The following CHRNA2 variants were observed in gnomAD, a reference collection of about 807,000 sequenced individuals.
CHRNA2 encodes neuronal acetylcholine receptor subunit alpha-2.
A neutral mutation model predicts 45.5 loss-of-function variants in CHRNA2; 40 were observed. The observed-to-expected ratio is 0.88, with a 90% CI of 0.68 to 1.15. CHRNA2 has a LOEUF of 1.15. CHRNA2 is among the 50% of genes most tolerant of loss of function. The pLI, the probability that CHRNA2 is intolerant of heterozygous loss-of-function variation, is 0.00. For synonymous variants in CHRNA2, 301 were observed against 296.7 expected, an observed-to-expected ratio of 1.01 and a Z score of -0.15; for missense variants, 655 against 701.7, an observed-to-expected ratio of 0.93 and a Z score of 0.75.
At chr8:27,471,426 G>C (rs957420962) in intron 1 of CHRNA2, among the ~76,000 whole-genome samples, 1 of 152,206 alleles carries the variant, frequency 6.6e-6, no homozygotes, top group African/African-American at 2.4e-5. Flanking sequence ...ACTGGGCAAA[G>C]GAGGGCACAG....
chr8:27,465,067 G>A (rs917765030), intron 5 of CHRNA2, among the ~76,000 whole-genome samples: 3 of 152,210 alleles, frequency 2.0e-5, no homozygotes, highest in African/African-American at 7.2e-5. Flanking sequence ...GAAATGGGCA[G>A]AGAGCCTTCC....
intron 4 of CHRNA2, among the ~76,000 whole-genome samples, chr8:27,468,334 T>C (rs1305737654): frequency 6.6e-6 from 1 of 152,176 alleles, no homozygotes; most frequent in African/African-American, 2.4e-5. Flanking sequence ...CCTGCTTCCC[T>C]CTGGCCCTCA....
In CHRNA2 at chr8:27,463,169, C is replaced by T. The variant is rs1021964888; in HGVS notation, c.1274G>A (p.Cys425Tyr). Residue 425 changes from cysteine (C) to tyrosine (Y), a missense_variant, in exon 6 of 7, where the codon TGT becomes TAT. Around this residue, in one of 3 missense-constraint regions of CHRNA2, gnomAD observed 295 missense variants for 280.4 expected, o/e 1.05. Coordinates refer to ENST00000407991, the MANE Select transcript of CHRNA2 (RefSeq NM_000742.4). This position sits in a 1 kb window ranked among gnomAD's most constrained non-coding sequence, Gnocchi z 6.1. ...VVVEEEDRWA[C>Y]AGHVAPSVGT... ...CACAGAGGGGGCCACATGACCTGCACATGCCCATCTGTCCTCCTCCTCCAC... is the reference window on the plus strand; with the variant it reads ...CACAGAGGGGGCCACATGACCTGCATATGCCCATCTGTCCTCCTCCTCCAC... 6 of 1,598,180 alleles carry T rather than the reference C, an allele frequency of 3.8e-6. No homozygotes were observed. In the African/African-American group the frequency reaches 4.0e-5, roughly 11 times the overall value.
intron 1 of CHRNA2, among the ~76,000 whole-genome samples, chr8:27,476,163 T>C (rs531739493): frequency 6.6e-6 from 1 of 152,332 alleles, no homozygotes; most frequent in South Asian, 2.1e-4. Flanking sequence ...TAAGAGAATG[T>C]ACTACCTCAT....
intron 5 of CHRNA2, among the ~76,000 whole-genome samples, chr8:27,465,228 G>A (rs758126653): frequency 2.0e-5 from 3 of 152,142 alleles, no homozygotes; most frequent in Admixed American, 6.5e-5. Context: ...TCCACCAGGA[G>A]GTGGCTCGGT....
rs1320953451 is a variant in CHRNA2, at chr8:27,461,320, T to C, written c.*309A>G. The stretch of plus-strand genomic sequence containing the variant: ...ACTGTCCCCCTGGTTGACCCTTCTG[T>C]CACTTAGGGTCTGCACTGCTCCTCC... On this transcript the variant is annotated 3_prime_UTR_variant, in exon 7 of 7. Transcript: ENST00000407991. The C allele has an allele frequency of 2.6e-6, 1 of 382,810 alleles. No homozygotes were observed. Among genetic ancestry groups the C allele is most frequent in the Non-Finnish European group, 4.9e-6 (1 of 204,248 alleles). 23.7% of individuals were successfully genotyped at this position (382,810 alleles called of 1,614,324 possible).
At chr8:27,477,255 A>C (rs1383088648) in intron 1 of CHRNA2, 1 of 152,194 alleles carries the variant, frequency 6.6e-6, no homozygotes, top group Non-Finnish European at 1.5e-5. Context: ...AGGAGAGGGG[A>C]CAGGCACCTC....
In CHRNA2 at chr8:27,479,104, C is replaced by G. The variant is rs79238003; in HGVS notation, c.-417G>C. On this transcript the variant is annotated 5_prime_UTR_variant, in exon 1 of 7. Coordinates refer to ENST00000407991, the MANE Select transcript of CHRNA2 (RefSeq NM_000742.4). The stretch of plus-strand genomic sequence containing the variant: ...CCTGGGGCTGTCCAGCTCTGGCAGC[C>G]AGAACGGCTTCATGCAGGTGCCACT... 1.9e-4 allele frequency: 29 copies of G among 152,312 alleles called. No individual in the cohort carries two copies. Among genetic ancestry groups the G allele is most frequent in the Admixed American group, 1.6e-3 (24 of 15,300 alleles). The allele number at this position is 152,312 out of a possible 1,614,324, so 9.4% of individuals were successfully genotyped here.
intron 3 of CHRNA2, 150 bp downstream of exon 3, chr8:27,469,611 C>A: frequency 9.9e-7 from 1 of 1,007,348 alleles, no homozygotes; most frequent in Non-Finnish European, 1.5e-6. Context: ...GAGGGGAGAG[C>A]GTAGCCGCCC....
intron 2 of CHRNA2, 152 bp downstream of exon 2, chr8:27,470,834 T>C: frequency 4.1e-6 from 3 of 738,236 alleles, no homozygotes; most frequent in Non-Finnish European, 7.2e-6. Context: ...CCCCTCCACC[T>C]CTGCCAGTGG....
At chr8:27,469,400 G>A (rs1164265701) in intron 3 of CHRNA2, 21 bp from the exon 4 acceptor site, 1 of 1,554,308 alleles carries the variant, frequency 6.4e-7, no homozygotes, top group Non-Finnish European at 8.7e-7. Context: ...GAGAGACAGA[G>A]GAGCAATTAA....
At chr8:27,465,500 C>T (rs904810028) in intron 5 of CHRNA2, among the ~76,000 whole-genome samples, 6 of 151,522 alleles carry the variant, frequency 4.0e-5, no homozygotes, top group African/African-American at 9.7e-5. Context: ...GGTGTGATCT[C>T]GGCTCACTAC....
At chr8:27,470,361 G>C (rs902404355) in intron 2 of CHRNA2, among the ~76,000 whole-genome samples, 1 of 152,168 alleles carries the variant, frequency 6.6e-6, no homozygotes, top group Non-Finnish European at 1.5e-5. Flanking sequence ...ATTGCAGTAA[G>C]CCTGGCCAGG....
At position 27,461,630 on chromosome 8, in the gene CHRNA2, C is replaced by T. The variant is rs2132646063; in HGVS notation, c.1589G>A (p.Ter530=). The T allele has an allele frequency of 6.2e-7, 1 of 1,614,204 alleles. No individual in the cohort carries two copies. The highest frequency in any genetic ancestry group is 8.5e-7 in the Non-Finnish European group (1 of 1,180,036). The part of the protein sequence containing the change: ...FLPPFLAGMI[*] Reference sequence around the variant, plus strand: ...GGAGCCAGCTCGAGGGAGGTGCAGTCAGATCATTCCAGCTAGGAACGGAGG... The same window carrying T: ...GGAGCCAGCTCGAGGGAGGTGCAGTTAGATCATTCCAGCTAGGAACGGAGG... Residue 530 remains the stop codon, a stop_retained_variant, in exon 7 of 7, where the codon TGA becomes TAA. Transcript: ENST00000407991.
Position 27,463,263 on chromosome 8 carries a change from G to T in CHRNA2, c.1180C>A (p.Arg394Ser). ...PPPVELCHPL[R>S]LKLSPSYHWL... Reference sequence around the variant, plus strand: ...TGATAAGAGGGGCTGAGCTTCAGGCGTAGGGGGTGGCAGAGCTCCACGGGT... The same window carrying T: ...TGATAAGAGGGGCTGAGCTTCAGGCTTAGGGGGTGGCAGAGCTCCACGGGT... The change falls in exon 6 of 7, where the codon CGC becomes AGC. Residue 394 changes from arginine (R) to serine (S), a missense_variant. Arg to Ser is a moderately radical substitution (Grantham distance 110). Transcript: ENST00000407991. This position sits in a 1 kb window ranked among gnomAD's most constrained non-coding sequence, Gnocchi z 6.1. The T allele has an allele frequency of 6.2e-7, 1 of 1,604,766 alleles. No individual in the cohort carries two copies. The highest frequency in any genetic ancestry group is 8.5e-7 in the Non-Finnish European group (1 of 1,173,832).
At chr8:27,469,645 A>T in intron 3 of CHRNA2, 116 bp downstream of exon 3, 1 of 1,338,652 alleles carries the variant, frequency 7.5e-7, no homozygotes. Flanking sequence ...CCCCAACCCC[A>T]CCCCAAGTCA....
intron 4 of CHRNA2, 73 bp from the exon 5 acceptor site, chr8:27,467,411 G>C: frequency 8.1e-7 from 1 of 1,241,636 alleles, no homozygotes; most frequent in Non-Finnish European, 1.2e-6. Flanking sequence ...CACACCCCGG[G>C]GATGCCCAGA....
At chr8:27,467,415 G>T in intron 4 of CHRNA2, 77 bp from the exon 5 acceptor site, 1 of 1,187,880 alleles carries the variant, frequency 8.4e-7, no homozygotes, top group Non-Finnish European at 1.2e-6. Context: ...CCCCGGGGAT[G>T]CCCAGAATTG....
chr8:27,462,918 G>A (rs1213940641), intron 6 of CHRNA2, 61 bp downstream of exon 6: 1 of 1,606,726 alleles, frequency 6.2e-7, no homozygotes, highest in Non-Finnish European at 8.5e-7. Flanking sequence ...CTGCGGTAAG[G>A]TGGTTCCCCG....
Sources: allele counts gnomAD v4.1 joint callset (sites outside exome capture counted in the v4.1 genomes callset), GRCh38; gene constraint gnomAD v4.1.1; regional missense constraint gnomAD v4.1.1; non-coding constraint Gnocchi (gnomAD v3.1); transcripts MANE v1.5; gene names NCBI Gene and HGNC (gene_info 2026-07-23, HGNC 2026-07-21).